Variants in CDV3 observed in about 807,000 individuals in gnomAD.
CDV3 encodes CDV3 homolog.
A neutral mutation model predicts 24.5 loss-of-function variants in CDV3; 14 were observed. The observed-to-expected ratio is 0.57, with a 90% CI of 0.38 to 0.89. The LOEUF (loss-of-function observed/expected upper bound fraction) is 0.89, where lower values mean the gene tolerates loss of function less well. CDV3 is among the 40% of genes least tolerant of loss of function. CDV3 has a pLI of 0.00. For synonymous variants in CDV3, 114 were observed against 114.1 expected (o/e 1.00, Z 0.00); for missense variants, 304 against 310.2 (o/e 0.98, Z 0.15).
chr3:133,583,949 AC>A, intron 2 of CDV3, 52 bp from the exon 3 acceptor site: 1 of 1,355,126 alleles, frequency 7.4e-7, no homozygotes. Context: ...AACGATTTGG[AC>A]TGAAAATTTT....
Position 133,588,247 on chromosome 3 carries a change from A to G in CDV3, c.*201A>G, listed in dbSNP as rs543174339. 3 of 1,542,200 alleles carry G rather than the reference A, an allele frequency of 1.9e-6. No homozygotes were observed. The highest frequency in any genetic ancestry group is 2.7e-5 in the African/African-American group (2 of 72,776). ...GATTTAGGGGAATTTTCATTGTTAC[A>G]TAAATGTGTGAACTAGTTTCAACAG... On this transcript the variant is annotated 3_prime_UTR_variant, in exon 5 of 5. Transcript: ENST00000264993.
chr3:133,574,192 G>C lies in CDV3; in HGVS notation c.148G>C (p.Gly50Arg). Residue 50 changes from glycine to arginine, a missense_variant, in exon 1 of 5, where the codon GGC (glycine) becomes CGC (arginine). By Grantham distance (125) the Gly-to-Arg change is moderately radical. Coordinates refer to ENST00000264993, the MANE Select transcript of CDV3 (RefSeq NM_017548.5). ...GSSGAAGAAG[G>R]GAGAGTRPGD... ...CAGTGGAGCCGCGGGTGCGGCGGGCGGCGGGGCGGGCGCGGGGACCCGGCC... is the reference window on the plus strand; with the variant it reads ...CAGTGGAGCCGCGGGTGCGGCGGGCCGCGGGGCGGGCGCGGGGACCCGGCC... 1 of 1,018,410 alleles carries C rather than the reference G, an allele frequency of 9.8e-7. No homozygotes were observed. Among genetic ancestry groups the C allele is most frequent in the Non-Finnish European group, 1.2e-6 (1 of 856,272 alleles). The allele number at this position is 1,018,410 out of a possible 1,614,324, so 63.1% of individuals were successfully genotyped here.
rs1933630093 is a variant in CDV3 at position 133,586,606 on chromosome 3, G to A, written c.510G>A (p.Arg170=). ...CAGCGATGACTAGTGGTGTGTATAG[G>A]CCTCCTGGGGCCAGGTTAACCACAA... ...PEPAMTSGVY[R]PPGARLTTTR... The change falls in exon 4 of 5, where the codon AGG becomes AGA. Residue 170 remains arginine, a synonymous_variant. Transcript: ENST00000264993. 1 of 1,597,136 alleles carries A rather than the reference G, an allele frequency of 6.3e-7. No individual in the cohort carries two copies. The highest frequency in any genetic ancestry group is 2.2e-5 in the East Asian group (1 of 44,802).
In CDV3 at chr3:133,590,084, G is replaced by C. The variant is rs975478039; in HGVS notation, c.*2038G>C. On this transcript the variant is annotated 3_prime_UTR_variant, in exon 5 of 5. Transcript: ENST00000264993. Reference sequence around the variant, plus strand: ...GCAGCAGATTTAAATTACAACTCTTGTTATAACTTTTTAAAAGATTGTGAA... The same window carrying C: ...GCAGCAGATTTAAATTACAACTCTTCTTATAACTTTTTAAAAGATTGTGAA... 5 of 152,228 alleles carry C rather than the reference G, an allele frequency of 3.3e-5. No homozygotes were observed. Among genetic ancestry groups the C allele is most frequent in the South Asian group, 2.1e-4 (1 of 4,818 alleles). 9.4% of individuals were successfully genotyped at this position (152,228 alleles called of 1,614,324 possible).
In CDV3 at chr3:133,588,501, T is replaced by C. The variant is rs1475701317; in HGVS notation, c.*455T>C. The C allele has an allele frequency of 3.3e-6, 3 of 913,550 alleles. No homozygotes were observed. Among genetic ancestry groups the C allele is most frequent in the Admixed American group, 5.1e-5 (2 of 39,526 alleles). The allele number at this position is 913,550 out of a possible 1,614,324, so 56.6% of individuals were successfully genotyped here. A position where few individuals can be genotyped will look rare whatever the true frequency, so the allele number is the denominator to read the frequency against. Reference sequence around the variant, plus strand: ...AGCTCTACTGGATTCTTATCAGAAATCCTGCATAAAAAGTCAGCCATCTGG... The same window carrying C: ...AGCTCTACTGGATTCTTATCAGAAACCCTGCATAAAAAGTCAGCCATCTGG... On this transcript the variant is annotated 3_prime_UTR_variant, in exon 5 of 5. Transcript: ENST00000264993.
intron 2 of CDV3, 25 bp from the exon 3 acceptor site, chr3:133,583,977 T>C (rs774916239): frequency 6.4e-7 from 1 of 1,570,726 alleles, no homozygotes. Context: ...GATTCCTTAA[T>C]GAATTTACAT....
At chr3:133,584,965 C>T (rs1386669254) in intron 3 of CDV3, among the ~76,000 whole-genome samples, 1 of 152,170 alleles carries the variant, frequency 6.6e-6, no homozygotes, top group African/African-American at 2.4e-5. Flanking sequence ...GAAGTGTATA[C>T]TCATTATTTT....
At chr3:133,578,907 G>A (rs2074917089) in intron 2 of CDV3, among the ~76,000 whole-genome samples, 1 of 152,148 alleles carries the variant, frequency 6.6e-6, no homozygotes, top group Non-Finnish European at 1.5e-5. Context: ...ACTGCTGCAG[G>A]ATGTGTGATC....
At position 133,589,880 on chromosome 3, in the gene CDV3, C is replaced by T. The variant is rs1933946839; in HGVS notation, c.*1834C>T. The T allele has an allele frequency of 6.6e-6, 1 of 152,168 alleles. No homozygotes were observed. The highest frequency in any genetic ancestry group is 6.5e-5 in the Admixed American group (1 of 15,278). 9.4% of individuals were successfully genotyped at this position (152,168 alleles called of 1,614,324 possible). ...AATCAGAAATGGGATTCTTGGTAAA[C>T]TGAAGACTTTTATTTGGGAATGAAA... On this transcript the variant is annotated 3_prime_UTR_variant, in exon 5 of 5. Coordinates refer to ENST00000264993, the MANE Select transcript of CDV3 (RefSeq NM_017548.5).
rs571826529 is a variant in CDV3 at position 133,575,212 on chromosome 3, C to T, written c.317+97C>T. On this transcript the variant is annotated intron_variant, in intron 2 of 4. Transcript: ENST00000264993. ...GGCCCCAAAGCAGCATCATAGTAGC[C>T]TTGTGCTCTAGATATGCTTATTAGG... is the stretch of plus-strand genomic sequence containing the variant. The T allele has an allele frequency of 4.4e-4, 311 of 699,598 alleles. No individual in the cohort carries two copies. In the Middle Eastern group the frequency reaches 6.1e-3, roughly 14 times the overall value. The allele number at this position is 699,598 out of a possible 1,614,324, so 43.3% of individuals were successfully genotyped here.
chr3:133,586,870 A>G, intron 4 of CDV3, 148 bp downstream of exon 4: 1 of 617,286 alleles, frequency 1.6e-6, no homozygotes, highest in Non-Finnish European at 2.9e-6. Context: ...GGTGAGAATC[A>G]GGGTGGGACT....
chr3:133,579,480 G>C (rs187086552), intron 2 of CDV3, among the ~76,000 whole-genome samples: 2 of 152,216 alleles, frequency 1.3e-5, no homozygotes, highest in Admixed American at 1.3e-4. Flanking sequence ...AGATGAAAAA[G>C]TAATAAAATA....
At chr3:133,578,727 A>G (rs1331789711) in intron 2 of CDV3, among the ~76,000 whole-genome samples, 2 of 152,204 alleles carry the variant, frequency 1.3e-5, no homozygotes, top group Non-Finnish European at 2.9e-5. Flanking sequence ...CAGCAATGCT[A>G]GGTATAATAG....
chr3:133,573,908 C>G lies in CDV3; in HGVS notation c.-137C>G. On this transcript the variant is annotated 5_prime_UTR_variant, in exon 1 of 5. Transcript: ENST00000264993. ...GGAGCCGCCCGTCTCGCCGCGCACG[C>G]CTCGGCGACCCCGCGGGGCTGAGGC... is the stretch of plus-strand genomic sequence containing the variant. 5 of 591,364 alleles carry G rather than the reference C, an allele frequency of 8.5e-6. No homozygotes were observed. Among genetic ancestry groups the G allele is most frequent in the Non-Finnish European group, 1.1e-5 (5 of 470,064 alleles). 36.6% of individuals were successfully genotyped at this position (591,364 alleles called of 1,614,324 possible).
intron 1 of CDV3, 134 bp from the exon 2 acceptor site, chr3:133,574,905 A>G: frequency 1.4e-6 from 1 of 734,670 alleles, no homozygotes; most frequent in South Asian, 1.9e-5. Flanking sequence ...AGAACGAAGC[A>G]AGGGCTTTGA....
chr3:133,577,261 ATATGT>A (rs1420781327), intron 2 of CDV3, among the ~76,000 whole-genome samples: 2 of 151,480 alleles, frequency 1.3e-5, no homozygotes, highest in African/African-American at 2.4e-5. Context: ...ACTCCTTCCC[ATATGT>A]TCTTCACTCA....
In CDV3 at chr3:133,589,692, T is replaced by C. The variant is rs1933932492; in HGVS notation, c.*1646T>C. On this transcript the variant is annotated 3_prime_UTR_variant, in exon 5 of 5. Transcript: ENST00000264993. The stretch of plus-strand genomic sequence containing the variant: ...GATAGGAGTTTAGTCTTGACGAAAG[T>C]GTCCGTGCAGGAATTGGACTCCGAG... 6.6e-6 allele frequency: 1 copy of C among 152,638 alleles called. No homozygotes were observed. The highest frequency in any genetic ancestry group is 1.5e-5 in the Non-Finnish European group (1 of 68,046). 9.5% of individuals were successfully genotyped at this position (152,638 alleles called of 1,614,324 possible).
intron 2 of CDV3, among the ~76,000 whole-genome samples, chr3:133,582,590 T>C (rs1933152820): frequency 6.6e-6 from 1 of 152,236 alleles, no homozygotes. Flanking sequence ...AAAGCATCCT[T>C]AGATATCCTT....
intron 4 of CDV3, 137 bp downstream of exon 4, chr3:133,586,859 A>G (rs1412574560): frequency 3.2e-6 from 2 of 627,166 alleles, no homozygotes; most frequent in Admixed American, 5.8e-5. Context: ...GCTGACAGGC[A>G]GGTGAGAATC....
Sources: gnomAD v4.1 joint callset for allele counts (sites outside exome capture counted in the v4.1 genomes callset) on GRCh38, gnomAD v4.1.1 for gene constraint, MANE v1.5 for transcripts, NCBI Gene and HGNC (gene_info 2026-07-23, HGNC 2026-07-21) for gene names.